TAF2: variants seen among roughly 807,000 people sequenced by gnomAD.
TAF2 encodes the protein TATA-box binding protein associated factor 2.
TAF2 carries 61 observed loss-of-function variants against 138.5 expected under a neutral mutation model. The ratio of observed to expected loss-of-function variants is 0.44; its 90% CI spans 0.36 to 0.54. The LOEUF is 0.54. Ranked by LOEUF, TAF2 falls within the 20% of genes least tolerant of loss-of-function variation. TAF2 has a pLI of 0.00. For missense variants in TAF2, 1,090 were observed against 1,427.9 expected (o/e 0.76, Z 3.81); for synonymous variants, 475 against 469.9 (o/e 1.01, Z -0.14).
chr8:119,783,057 A>T (rs186424363), intron 16 of TAF2, among the ~76,000 whole-genome samples: 150 of 152,308 alleles, frequency 9.8e-4, no homozygotes, highest in African/African-American at 3.1e-3. Flanking sequence ...AATGTAAAAC[A>T]TCACTCAAAC....
At chr8:119,806,455 A>G in intron 3 of TAF2, 54 bp from the exon 4 acceptor site, 2 of 1,324,832 alleles carry the variant, frequency 1.5e-6, no homozygotes, top group South Asian at 1.3e-5. Flanking sequence ...CTTACCAAGC[A>G]TTTTTCTTTC....
chr8:119,757,485 G>T (rs775104023), intron 21 of TAF2, among the ~76,000 whole-genome samples: 1 of 151,690 alleles, frequency 6.6e-6, no homozygotes. Flanking sequence ...ATTTTAAGTT[G>T]TTATACTTTT....
chr8:119,797,955 T>A, intron 6 of TAF2, 109 bp from the exon 7 acceptor site: 1 of 1,069,626 alleles, frequency 9.3e-7, no homozygotes, highest in South Asian at 1.5e-5. Context: ...ATCTATTCTT[T>A]AATAATTTCA....
chr8:119,771,700 A>T (rs1357477668), intron 18 of TAF2, among the ~76,000 whole-genome samples: 1 of 152,176 alleles, frequency 6.6e-6, no homozygotes. Context: ...ATAAAACAAC[A>T]CCTACACCTA....
At chr8:119,800,294 T>G (rs1297260570) in intron 6 of TAF2, among the ~76,000 whole-genome samples, 1 of 152,246 alleles carries the variant, frequency 6.6e-6, no homozygotes, top group Non-Finnish European at 1.5e-5. Flanking sequence ...ATTTAAGTCT[T>G]TAATCCATCT....
At chr8:119,788,077 G>A (rs910226546) in intron 14 of TAF2, among the ~76,000 whole-genome samples, 3 of 152,034 alleles carry the variant, frequency 2.0e-5, no homozygotes, top group Non-Finnish European at 2.9e-5. Context: ...ATCACACACC[G>A]GGGCCTGTCA....
chr8:119,820,101 A>G (rs1825727223), intron 2 of TAF2, among the ~76,000 whole-genome samples: 1 of 152,190 alleles, frequency 6.6e-6, no homozygotes, highest in Non-Finnish European at 1.5e-5. Flanking sequence ...TAGTTCTACC[A>G]TGTTAGCTGT....
chr8:119,812,749 GTGTATA>G (rs1340895700), intron 3 of TAF2, among the ~76,000 whole-genome samples: 2 of 109,956 alleles, frequency 1.8e-5, no homozygotes, highest in Middle Eastern at 7.7e-3. Context: ...GTGTGTGTGT[GTGTATA>G]TATGTGTGTA....
At chr8:119,749,931 C>G (rs1820234501) in intron 22 of TAF2, among the ~76,000 whole-genome samples, 1 of 152,180 alleles carries the variant, frequency 6.6e-6, no homozygotes, top group African/African-American at 2.4e-5. Flanking sequence ...GAGACCAAGC[C>G]TGTTTATCTG....
At chr8:119,815,530 T>G (rs1825401035) in intron 3 of TAF2, among the ~76,000 whole-genome samples, 1 of 151,096 alleles carries the variant, frequency 6.6e-6, no homozygotes, top group Non-Finnish European at 1.5e-5. Flanking sequence ...CACCTTGGCC[T>G]CCCAAAGTGC....
rs1055736443 is a variant in TAF2, at chr8:119,799,728, C to T, written c.793-1882G>A. 1.2e-4 allele frequency among the ~76,000 whole-genome samples: 19 copies of T among 152,204 alleles called. 1 individual carries two copies. The highest frequency in any genetic ancestry group is 4.6e-4 in the African/African-American group (19 of 41,448). ...TCTAGATCCTTGAGGAATTGCCACACTGTCTTCCACGATGGTTGAACTAGT... is the reference window on the plus strand; with the variant it reads ...TCTAGATCCTTGAGGAATTGCCACATTGTCTTCCACGATGGTTGAACTAGT... On this transcript the variant is annotated intron_variant, in intron 6 of 25. Transcript: ENST00000378164.
At chr8:119,778,956 G>C (rs911918268) in intron 17 of TAF2, among the ~76,000 whole-genome samples, 2 of 152,090 alleles carry the variant, frequency 1.3e-5, no homozygotes, top group East Asian at 3.8e-4. Flanking sequence ...TAAAATGGAG[G>C]TCAGAAAGGA....
At chr8:119,827,458 A>G (rs1826172387) in intron 2 of TAF2, among the ~76,000 whole-genome samples, 1 of 152,182 alleles carries the variant, frequency 6.6e-6, no homozygotes, top group Non-Finnish European at 1.5e-5. Context: ...TCTGACCTAT[A>G]AATCTTTCCT....
chr8:119,755,932 T>C (rs1820672927), intron 22 of TAF2, 74 bp downstream of exon 22: 1 of 1,222,058 alleles, frequency 8.2e-7, no homozygotes, highest in African/African-American at 1.5e-5. Flanking sequence ...CTAAATGCTA[T>C]TGAATTGAAA....
intron 21 of TAF2, among the ~76,000 whole-genome samples, chr8:119,757,586 ATT>A (rs755457771): frequency 4.7e-4 from 66 of 139,210 alleles, no homozygotes; most frequent in Non-Finnish European, 3.9e-4. Flanking sequence ...TCTGCTAATA[ATT>A]TTTTTTTTTT....
Position 119,757,369 on chromosome 8 carries a change from A to G in TAF2, c.2768+704T>C, listed in dbSNP as rs188225438. 3.2e-3 allele frequency among the ~76,000 whole-genome samples: 485 copies of G among 152,312 alleles called. 1 individual carries two copies. The highest frequency in any genetic ancestry group is 5.7e-3 in the Admixed American group (87 of 15,298). ...TTCATATCCATATTTTCATCTTTAT[A>G]TATAAACACAATTCCTCTCCTTCAG... On this transcript the variant is annotated intron_variant, in intron 21 of 25. Coordinates refer to ENST00000378164, the MANE Select transcript of TAF2 (RefSeq NM_003184.4).
intron 22 of TAF2, among the ~76,000 whole-genome samples, chr8:119,749,769 C>A (rs1392266172): frequency 6.6e-6 from 1 of 152,148 alleles, no homozygotes; most frequent in Admixed American, 6.5e-5. Flanking sequence ...CCTTCAGTTA[C>A]AGTATTCTGA....
chr8:119,812,338 T>A (rs138547731), intron 3 of TAF2, among the ~76,000 whole-genome samples: 1 of 150,980 alleles, frequency 6.6e-6, no homozygotes, highest in African/African-American at 2.4e-5. Flanking sequence ...TTTTTTTTTT[T>A]AATTTCAATA....
intron 18 of TAF2, among the ~76,000 whole-genome samples, chr8:119,764,518 A>G (rs949447813): frequency 2.0e-5 from 3 of 152,228 alleles, no homozygotes; most frequent in African/African-American, 7.2e-5. Context: ...GTAAAGTAAC[A>G]TGGTAATACT....
Sources: allele counts gnomAD v4.1 joint callset (sites outside exome capture counted in the v4.1 genomes callset), GRCh38; gene constraint gnomAD v4.1.1; transcripts MANE v1.5; gene names NCBI Gene and HGNC (gene_info 2026-07-23, HGNC 2026-07-21).